PEAK1: variants seen among roughly 807,000 people sequenced by gnomAD.
PEAK1 encodes inactive tyrosine-protein kinase PEAK1.
A neutral mutation model predicts 124.7 loss-of-function variants in PEAK1; 54 were observed. The ratio of observed to expected loss-of-function variants is 0.43; its 90% CI spans 0.35 to 0.54. PEAK1 has a LOEUF of 0.54. PEAK1 is among the 20% of genes least tolerant of loss of function. PEAK1 has a pLI of 0.01. For missense variants in PEAK1, 2,046 were observed against 2,134.5 expected (o/e 0.96, Z 0.82); for synonymous variants, 719 against 760.0 (o/e 0.95, Z 0.89).
chr15:77,211,091 A>C (rs182224724), intron 6 of PEAK1, among the ~76,000 whole-genome samples: 3 of 152,276 alleles, frequency 2.0e-5, no homozygotes, highest in East Asian at 3.9e-4. Flanking sequence ...TTTTATTAAA[A>C]CAGGCAAACA....
Position 77,132,151 on chromosome 15 carries a change from G to A in PEAK1, c.4077+854C>T, listed in dbSNP as rs1330078599. On this transcript the variant is annotated intron_variant, in intron 9 of 9. Transcript: ENST00000682557. The stretch of plus-strand genomic sequence containing the variant: ...GCTGGAGTGCAGTGACCCGATCATG[G>A]CTCACTTCAGCCCTGACCTCCTGGG... Among the ~76,000 whole-genome samples, 5 of 152,068 alleles carry A rather than the reference G, an allele frequency of 3.3e-5. No homozygotes were observed. The East Asian group carries it at 9.8e-4, about 30-fold the overall frequency.
intron 9 of PEAK1, among the ~76,000 whole-genome samples, chr15:77,118,430 A>C (rs1229181980): frequency 6.6e-6 from 1 of 152,168 alleles, no homozygotes; most frequent in Non-Finnish European, 1.5e-5. Context: ...GTTAAAAAAA[A>C]AACCTCAAAA....
chr15:77,152,667 A>G (rs1477880373), intron 8 of PEAK1, among the ~76,000 whole-genome samples: 1 of 152,200 alleles, frequency 6.6e-6, no homozygotes, highest in East Asian at 1.9e-4. Flanking sequence ...TGTCCCATCA[A>G]TACCTCATTT....
At chr15:77,221,947 T>C (rs1028244983) in intron 6 of PEAK1, among the ~76,000 whole-genome samples, 9 of 152,206 alleles carry the variant, frequency 5.9e-5, no homozygotes, top group Non-Finnish European at 1.3e-4. Context: ...GATTCTCCTC[T>C]ATACTATACT....
rs201535248 is a variant in PEAK1 at position 77,133,511 on chromosome 15, C to T, written c.3571G>A (p.Asp1191Asn). ...GCACTGCTGGCATCCCAGTTGGGGT[C>T]GATATCATAGGTGGGATTAGCCATG... is the stretch of plus-strand genomic sequence containing the variant. ...CVMANPTYDI[D>N]PNWDASSAGS... The change falls in exon 9 of 10, where the codon GAC becomes AAC. Residue 1191 changes from aspartate (D) to asparagine (N), a missense_variant. Coordinates refer to ENST00000682557, the MANE Select transcript of PEAK1 (RefSeq NM_001385026.1). The surrounding 1 kb of genome is among the most constrained non-coding windows in gnomAD (Gnocchi z 4.2). 3.7e-6 allele frequency: 6 copies of T among 1,614,100 alleles called. No homozygotes were observed. Among genetic ancestry groups the T allele is most frequent in the Admixed American group, 1.7e-5 (1 of 60,014 alleles).
chr15:77,303,650 TTA>T (rs1316008912), intron 2 of PEAK1, among the ~76,000 whole-genome samples: 17 of 152,332 alleles, frequency 1.1e-4, no homozygotes, highest in South Asian at 2.1e-4. Context: ...GATTCAAGTG[TTA>T]TATAAGTGTT....
At chr15:77,292,791 A>G (rs2063289394) in intron 2 of PEAK1, among the ~76,000 whole-genome samples, 1 of 152,204 alleles carries the variant, frequency 6.6e-6, no homozygotes, top group Admixed American at 6.5e-5. Flanking sequence ...ATGTATGTAT[A>G]TGAACGTATA....
chr15:77,222,830 T>C (rs2059448940), intron 6 of PEAK1, among the ~76,000 whole-genome samples: 1 of 151,974 alleles, frequency 6.6e-6, no homozygotes, highest in Non-Finnish European at 1.5e-5. Context: ...TAGTTCAAAA[T>C]GGCAAAATAA....
chr15:77,120,540 A>C (rs2051819633), intron 9 of PEAK1, among the ~76,000 whole-genome samples: 1 of 152,104 alleles, frequency 6.6e-6, no homozygotes, highest in Non-Finnish European at 1.5e-5. Context: ...ACTCTCATTG[A>C]CTTTTCTTCT....
chr15:77,314,957 T>A (rs2064780645), intron 2 of PEAK1, among the ~76,000 whole-genome samples: 1 of 152,140 alleles, frequency 6.6e-6, no homozygotes, highest in African/African-American at 2.4e-5. Context: ...CTCTGCTCAC[T>A]ACCTGGGTGA....
intron 6 of PEAK1, among the ~76,000 whole-genome samples, chr15:77,250,867 A>G (rs1030978295): frequency 6.6e-6 from 1 of 152,178 alleles, no homozygotes; most frequent in Non-Finnish European, 1.5e-5. Flanking sequence ...CCCATCCAAG[A>G]TATTTTTAAT....
Position 77,371,547 on chromosome 15 carries a change from C to G in PEAK1, c.-665-6322G>C. 5.0e-6 allele frequency: 4 copies of G among 802,264 alleles called. No individual in the cohort carries two copies. In the South Asian group the frequency reaches 2.3e-4, roughly 46 times the overall value. 49.7% of individuals were successfully genotyped at this position (802,264 alleles called of 1,614,324 possible). ...CCACCACCACCACCACCATCATCAT[C>G]ATGACATTTTTTTCTAAATACAGCT... On this transcript the variant is annotated intron_variant, in intron 1 of 9. Transcript: ENST00000682557.
At chr15:77,378,561 T>C (rs1330192941) in intron 1 of PEAK1, among the ~76,000 whole-genome samples, 2 of 152,166 alleles carry the variant, frequency 1.3e-5, no homozygotes, top group Non-Finnish European at 2.9e-5. Context: ...GCTGACATAC[T>C]AACACACTCT....
chr15:77,314,156 G>A (rs2064718813), intron 2 of PEAK1, among the ~76,000 whole-genome samples: 1 of 152,064 alleles, frequency 6.6e-6, no homozygotes, highest in South Asian at 2.1e-4. Flanking sequence ...GAGGGTTTGT[G>A]TTATAAGAGT....
rs2864837 is a variant in PEAK1, at chr15:77,313,605, T to C, written c.-602-27101A>G. 3.5e-3 allele frequency among the ~76,000 whole-genome samples: 519 copies of C among 150,264 alleles called. 9 individuals are homozygous for C. Among genetic ancestry groups the C allele is most frequent in the Admixed American group, 0.021 (318 of 15,064 alleles). ...CCTCAGCCTCCTGAGTAGCTGGGAT[T>C]ACAGGCATGCACCACCATGCCCAGT... On this transcript the variant is annotated intron_variant, in intron 2 of 9. Coordinates refer to ENST00000682557, the MANE Select transcript of PEAK1 (RefSeq NM_001385026.1).
intron 1 of PEAK1, among the ~76,000 whole-genome samples, chr15:77,405,101 G>C (rs2071703853): frequency 6.6e-6 from 1 of 152,114 alleles, no homozygotes; most frequent in Middle Eastern, 3.4e-3. Context: ...CGCCTCCCGG[G>C]TTCAAGCGAT....
intron 5 of PEAK1, among the ~76,000 whole-genome samples, chr15:77,260,021 A>T (rs2061358103): frequency 1.3e-5 from 2 of 152,202 alleles, no homozygotes; most frequent in Non-Finnish European, 2.9e-5. Flanking sequence ...TTGAGACCAG[A>T]GAAAAACATC....
chr15:77,348,962 T>A, intron 2 of PEAK1: 1 of 945,312 alleles, frequency 1.1e-6, no homozygotes, highest in Middle Eastern at 5.4e-4. Flanking sequence ...AAAATAGAGA[T>A]TTAAAGCCTT....
chr15:77,218,962 C>T (rs2059266024), intron 6 of PEAK1, among the ~76,000 whole-genome samples: 1 of 151,944 alleles, frequency 6.6e-6, no homozygotes, highest in Non-Finnish European at 1.5e-5. Context: ...ATCATATGAA[C>T]AGTGAGATGC....
Sources: allele counts gnomAD v4.1 joint callset (sites outside exome capture counted in the v4.1 genomes callset), GRCh38; gene constraint gnomAD v4.1.1; non-coding constraint Gnocchi (gnomAD v3.1); transcripts MANE v1.5; gene names NCBI Gene and HGNC (gene_info 2026-07-23, HGNC 2026-07-21).